The following LAMC3 variants were observed in gnomAD, a reference collection of about 807,000 sequenced individuals.
The protein encoded by LAMC3 is laminin subunit gamma-3.
Under a neutral mutation model 173.8 loss-of-function variants are expected in LAMC3, and 128 were observed. The ratio of observed to expected loss-of-function variants is 0.74; its 90% CI spans 0.64 to 0.85. LAMC3 has a LOEUF of 0.85. LAMC3 is among the 40% of genes least tolerant of loss of function. The probability of loss-of-function intolerance (pLI) is 0.00; values close to 1 mark genes in which losing one functional copy is unlikely to be tolerated. For missense variants in LAMC3, 2,022 were observed against 2,156.0 expected (o/e 0.94, Z 1.23); for synonymous variants, 897 against 909.1 (o/e 0.99, Z 0.24).
At chr9:131,065,038 C>CT (rs1250127150) in intron 13 of LAMC3, among the ~76,000 whole-genome samples, 612 of 18,072 alleles carry the variant, frequency 0.034, 4 homozygotes, top group African/African-American at 0.17. Flanking sequence ...AAGACTCCAT[C>CT]TAAAAAAAAA....
chr9:131,039,280 A>G (rs374149525), intron 6 of LAMC3, 32 bp downstream of exon 6: 350 of 1,537,522 alleles, frequency 2.3e-4, no homozygotes, highest in Non-Finnish European at 3.0e-4. Context: ...GTATGGACAC[A>G]TTGCACTGAA....
chr9:131,090,557 G>A (rs1476369754), intron 27 of LAMC3, among the ~76,000 whole-genome samples: 4 of 152,150 alleles, frequency 2.6e-5, no homozygotes, highest in Non-Finnish European at 4.4e-5. Context: ...CCAGGGCCTC[G>A]GGGATCCCAG....
rs1216451660 is a variant in LAMC3, at chr9:131,091,736, C to G, written c.4677C>G (p.Asn1559Lys). 23 of 1,613,264 alleles carry G rather than the reference C, an allele frequency of 1.4e-5. No homozygotes were observed. The highest frequency in any genetic ancestry group is 1.9e-5 in the Non-Finnish European group (23 of 1,179,978). The part of the protein sequence containing the change: ...DLAEIRADKQ[N>K]LEAILHSLPE... ...CCGAGATCCGCGCCGACAAACAGAACCTGGAGGCCATTCTGCACAGCCTGC... is the reference window on the plus strand; with the variant it reads ...CCGAGATCCGCGCCGACAAACAGAAGCTGGAGGCCATTCTGCACAGCCTGC... The change falls in exon 28 of 28, where the codon AAC becomes AAG. Residue 1559 changes from asparagine to lysine, a missense_variant. Transcript: ENST00000361069.
At chr9:131,082,184 T>C in intron 24 of LAMC3, 23 bp downstream of exon 24, 1 of 1,569,268 alleles carries the variant, frequency 6.4e-7, no homozygotes, top group Non-Finnish European at 8.8e-7. Flanking sequence ...AGCTGACCAC[T>C]AGGCTGTGTA....
chr9:131,043,465 CACAA>C (rs138772878), intron 7 of LAMC3, among the ~76,000 whole-genome samples: 1,576 of 152,270 alleles, frequency 0.01, 30 homozygotes, highest in African/African-American at 0.036. Context: ...CAGAGACAGA[CACAA>C]ACAAAACAGC....
chr9:131,073,215 A>C, intron 19 of LAMC3, 30 bp from the exon 20 acceptor site: 1 of 1,560,376 alleles, frequency 6.4e-7, no homozygotes, highest in Non-Finnish European at 8.8e-7. Flanking sequence ...ATGGGCCATC[A>C]GTTTCCTCCT....
intron 27 of LAMC3, among the ~76,000 whole-genome samples, chr9:131,090,902 A>G (rs1830413447): frequency 6.6e-6 from 1 of 152,126 alleles, no homozygotes; most frequent in Non-Finnish European, 1.5e-5. Context: ...GGTGGCAGGC[A>G]CCTGTAATCC....
chr9:131,025,739 T>A (rs751425032), intron 1 of LAMC3, among the ~76,000 whole-genome samples: 62 of 151,946 alleles, frequency 4.1e-4, no homozygotes, highest in Admixed American at 1.4e-3. Context: ...GGTTGAAGGT[T>A]GAGTTGGGAG....
At position 131,058,596 on chromosome 9, in the gene LAMC3, T is replaced by G. The variant is rs552058395; in HGVS notation, c.2158+1449T>G. On this transcript the variant is annotated intron_variant, in intron 12 of 27. Coordinates refer to ENST00000361069, the MANE Select transcript of LAMC3 (RefSeq NM_006059.4). ...AGAAGAAGGCTGCTGGGCATTTTTC[T>G]TCCTGAAAAGACGGTAGCCAGGCGT... 2.6e-5 allele frequency among the ~76,000 whole-genome samples: 4 copies of G among 152,122 alleles called. No individual in the cohort carries two copies. The East Asian group carries it at 7.8e-4, about 30-fold the overall frequency.
In LAMC3 at chr9:131,038,849, C is replaced by G; in HGVS notation, c.977-15C>G. On this transcript the variant is annotated splice_polypyrimidine_tract_variant and intron_variant, in intron 4 of 27. Coordinates refer to ENST00000361069, the MANE Select transcript of LAMC3 (RefSeq NM_006059.4). ...CACAGGGGACTCACACACCTTTCCCCACTCCTGCCCATAGCCTGCAACTGC... is the reference window on the plus strand; with the variant it reads ...CACAGGGGACTCACACACCTTTCCCGACTCCTGCCCATAGCCTGCAACTGC... 1.2e-6 allele frequency: 2 copies of G among 1,612,402 alleles called. No homozygotes were observed. Among genetic ancestry groups the G allele is most frequent in the Non-Finnish European group, 1.7e-6 (2 of 1,179,912 alleles).
chr9:131,078,504 CAAAA>C (rs757256292), intron 22 of LAMC3, among the ~76,000 whole-genome samples: 2 of 150,754 alleles, frequency 1.3e-5, no homozygotes, highest in Admixed American at 6.6e-5. Context: ...CAAAACAAAA[CAAAA>C]AAAACTCAGC....
intron 24 of LAMC3, among the ~76,000 whole-genome samples, chr9:131,084,755 C>T (rs186528507): frequency 9.2e-5 from 14 of 151,668 alleles, no homozygotes; most frequent in East Asian, 3.9e-4. Flanking sequence ...AAATACCAGC[C>T]GTGTATGGTG....
At chr9:131,070,520 G>A (rs1830021190) in intron 17 of LAMC3, among the ~76,000 whole-genome samples, 2 of 152,188 alleles carry the variant, frequency 1.3e-5, no homozygotes, top group Admixed American at 1.3e-4. Context: ...AGACCAGCCT[G>A]GACAACATGG....
At chr9:131,035,413 A>C (rs1272868976) in intron 3 of LAMC3, among the ~76,000 whole-genome samples, 1 of 152,144 alleles carries the variant, frequency 6.6e-6, no homozygotes, top group Non-Finnish European at 1.5e-5. Flanking sequence ...GAGCAGGAGC[A>C]AGAGAGCAGG....
At chr9:131,013,768 ACCGAGAAGACG>A (rs1833467828) in intron 1 of LAMC3, among the ~76,000 whole-genome samples, 1 of 152,136 alleles carries the variant, frequency 6.6e-6, no homozygotes, top group South Asian at 2.1e-4. Flanking sequence ...GAGTGCAGAC[ACCGAGAAGACG>A]CTGGGGTCTG....
intron 22 of LAMC3, among the ~76,000 whole-genome samples, chr9:131,078,483 TCAAAACAAAA>T (rs199757711): frequency 1.6e-4 from 23 of 148,268 alleles, no homozygotes; most frequent in African/African-American, 4.6e-4. Flanking sequence ...AGATTCTGTC[TCAAAACAAAA>T]CAAAACAAAA....
intron 24 of LAMC3, 90 bp from the exon 25 acceptor site, chr9:131,085,434 G>C: frequency 7.6e-7 from 1 of 1,315,234 alleles, no homozygotes; most frequent in Non-Finnish European, 1.1e-6. Context: ...AAGGGTCTGT[G>C]GTCAGCCAGG....
At chr9:131,020,409 C>T (rs1833605004) in intron 1 of LAMC3, among the ~76,000 whole-genome samples, 1 of 152,234 alleles carries the variant, frequency 6.6e-6, no homozygotes, top group Non-Finnish European at 1.5e-5. Flanking sequence ...GGGATAGGCT[C>T]CATCACAGCC....
intron 7 of LAMC3, among the ~76,000 whole-genome samples, chr9:131,042,783 G>A (rs559236661): frequency 1.3e-4 from 19 of 150,746 alleles, no homozygotes; most frequent in Admixed American, 3.3e-4. Flanking sequence ...CATCATTCAT[G>A]GAGCACTGTC....
Sources: gnomAD v4.1 joint callset for allele counts (sites outside exome capture counted in the v4.1 genomes callset) on GRCh38, gnomAD v4.1.1 for gene constraint, MANE v1.5 for transcripts, NCBI Gene and HGNC (gene_info 2026-07-23, HGNC 2026-07-21) for gene names.